Variants in RPS6KA4 observed in about 807,000 individuals in gnomAD.
RPS6KA4 encodes the protein ribosomal protein S6 kinase alpha-4.
A neutral mutation model predicts 89.6 loss-of-function variants in RPS6KA4; 38 were observed. The observed-to-expected ratio is 0.42, with a 90% CI of 0.33 to 0.56. RPS6KA4 has a LOEUF of 0.56. Ranked by LOEUF, RPS6KA4 falls within the 20% of genes least tolerant of loss-of-function variation. The probability of loss-of-function intolerance (pLI) is 0.07; values close to 1 mark genes in which losing one functional copy is unlikely to be tolerated. For synonymous variants in RPS6KA4, 495 were observed against 492.8 expected (o/e 1.00, Z -0.06); for missense variants, 873 against 1,098.8 (o/e 0.79, Z 2.90).
Position 64,370,111 on chromosome 11 carries a change from C to A in RPS6KA4, c.1798-114C>A. On this transcript the variant is annotated intron_variant, in intron 14 of 16. Transcript: ENST00000334205. This position sits in a 1 kb window ranked among gnomAD's most constrained non-coding sequence, Gnocchi z 4.1. ...GGGGGTTAGAAGTCAGGGTTCACCA[C>A]GCGTGGGTCTCAGGAGTGCCCCTAG... 1 of 1,273,326 alleles carries A rather than the reference C, an allele frequency of 7.9e-7. No homozygotes were observed. The highest frequency in any genetic ancestry group is 1.1e-6 in the Non-Finnish European group (1 of 939,182). The allele number at this position is 1,273,326 out of a possible 1,614,324, so 78.9% of individuals were successfully genotyped here.
intron 16 of RPS6KA4, among the ~76,000 whole-genome samples, chr11:64,371,008 G>A (rs2037055275): frequency 6.6e-6 from 1 of 151,684 alleles, no homozygotes; most frequent in Admixed American, 6.6e-5. Flanking sequence ...GGAGGCTGAG[G>A]CAGGAGAATC....
At chr11:64,360,663 A>G (rs2036721044) in intron 4 of RPS6KA4, 71 bp downstream of exon 4, 5 of 1,360,426 alleles carry the variant, frequency 3.7e-6, no homozygotes, top group African/African-American at 1.4e-5. Context: ...ATCTGCACGC[A>G]GGGCAGCCTC....
chr11:64,361,321 C>A lies in RPS6KA4; in HGVS notation c.570+80C>A. ...CCTCTTCCTGCTCTGGGCCTGCATT[C>A]TGGGGCTGCAGAAGTGAATAGCTCC... is the stretch of plus-strand genomic sequence containing the variant. On this transcript the variant is annotated intron_variant, in intron 5 of 16. Coordinates refer to ENST00000334205, the MANE Select transcript of RPS6KA4 (RefSeq NM_003942.3). The surrounding 1 kb of genome is among the most constrained non-coding windows in gnomAD (Gnocchi z 4.7). 6.8e-7 allele frequency: 1 copy of A among 1,470,572 alleles called. No individual in the cohort carries two copies. Among genetic ancestry groups the A allele is most frequent in the Non-Finnish European group, 9.4e-7 (1 of 1,059,358 alleles). 91.1% of individuals were successfully genotyped at this position (1,470,572 alleles called of 1,614,324 possible). A position where few individuals can be genotyped will look rare whatever the true frequency, so the allele number is the denominator to read the frequency against.
chr11:64,364,734 CTCT>C (rs1428089453), intron 8 of RPS6KA4, among the ~76,000 whole-genome samples: 22 of 106,878 alleles, frequency 2.1e-4, no homozygotes, highest in African/African-American at 6.6e-4. Flanking sequence ...TTCACGCCAA[CTCT>C]TTTTTTTTTT....
rs76191153 is a variant in RPS6KA4, at chr11:64,363,200, T to C, written c.906+1198T>C. Among the ~76,000 whole-genome samples the C allele has an allele frequency of 6.4e-3, 975 of 152,312 alleles. 8 individuals are homozygous for C. Among genetic ancestry groups the C allele is most frequent in the African/African-American group, 0.023 (940 of 41,568 alleles). On this transcript the variant is annotated intron_variant, in intron 8 of 16. Transcript: ENST00000334205. The stretch of plus-strand genomic sequence containing the variant: ...GGTACTTATTGTGGGCCAGGTACTG[T>C]GTTACTCATACTTCGAGTGCCATCT...
chr11:64,364,556 C>T (rs375456620), intron 8 of RPS6KA4, among the ~76,000 whole-genome samples: 2 of 152,040 alleles, frequency 1.3e-5, no homozygotes, highest in Non-Finnish European at 2.9e-5. Context: ...GTGAAAAGGT[C>T]GAGGGAAAGT....
At position 64,361,365 on chromosome 11, in the gene RPS6KA4, A is replaced by G; in HGVS notation, c.571-104A>G. 1.3e-6 allele frequency: 2 copies of G among 1,483,944 alleles called. No individual in the cohort carries two copies. Among genetic ancestry groups the G allele is most frequent in the Admixed American group, 1.7e-5 (1 of 57,388 alleles). 91.9% of individuals were successfully genotyped at this position (1,483,944 alleles called of 1,614,324 possible). A position where few individuals can be genotyped will look rare whatever the true frequency, so the allele number is the denominator to read the frequency against. On this transcript the variant is annotated intron_variant, in intron 5 of 16. Transcript: ENST00000334205. This position sits in a 1 kb window ranked among gnomAD's most constrained non-coding sequence, Gnocchi z 4.7. Reference sequence around the variant, plus strand: ...TAGCTCCAAGAAGTTTCCACAGCTCAGCTCTCCAACCTCACAAGTTGAGCG... The same window carrying G: ...TAGCTCCAAGAAGTTTCCACAGCTCGGCTCTCCAACCTCACAAGTTGAGCG...
intron 9 of RPS6KA4, 144 bp downstream of exon 9, chr11:64,365,609 G>A (rs1483973634): frequency 1.3e-6 from 1 of 790,688 alleles, no homozygotes; most frequent in Admixed American, 3.0e-5. Flanking sequence ...ACTTCAGTGG[G>A]ACCTAGGGTT....
intron 9 of RPS6KA4, 116 bp from the exon 10 acceptor site, chr11:64,368,016 C>G: frequency 2.9e-6 from 3 of 1,050,168 alleles, no homozygotes; most frequent in Non-Finnish European, 4.2e-6. Context: ...AACTGGAACA[C>G]CCCCCACTGC....
Position 64,365,380 on chromosome 11 carries a change from G to A in RPS6KA4, c.986G>A (p.Gly329Asp). 2 of 1,614,076 alleles carry A rather than the reference G, an allele frequency of 1.2e-6. No individual in the cohort carries two copies. Among genetic ancestry groups the A allele is most frequent in the Non-Finnish European group, 1.7e-6 (2 of 1,180,018 alleles). ...RPQIRSELDV[G>D]NFAEEFTRLE... ...CAAATCCGCTCAGAGCTGGATGTGG[G>A]CAACTTTGCGGAGGAATTCACTCGG... Residue 329 changes from glycine (G) to aspartate (D), a missense_variant, in exon 9 of 17, where the codon GGC becomes GAC. Physicochemically the swap from Gly to Asp is moderately conservative, Grantham distance 94. Around this residue, in one of 4 missense-constraint regions of RPS6KA4, gnomAD observed 542 missense variants for 736.4 expected, o/e 0.74. Coordinates refer to ENST00000334205, the MANE Select transcript of RPS6KA4 (RefSeq NM_003942.3).
Position 64,370,692 on chromosome 11 carries a change from C to T in RPS6KA4, c.2087C>T (p.Pro696Leu), listed in dbSNP as rs757185670. 7.6e-6 allele frequency: 12 copies of T among 1,569,908 alleles called. No individual in the cohort carries two copies. The highest frequency in any genetic ancestry group is 1.0e-5 in the Non-Finnish European group (12 of 1,163,414). Residue 696 changes from proline (P) to leucine (L), a missense_variant, in exon 16 of 17, where the codon CCC becomes CTC. Transcript: ENST00000334205. This position sits in a 1 kb window ranked among gnomAD's most constrained non-coding sequence, Gnocchi z 4.1. Reference protein sequence around the residue: ...RTPDVLESSGPAVRSGLNATF... With the variant: ...RTPDVLESSGLAVRSGLNATF... ...CCCGACGTGCTCGAGTCCTCTGGGC[C>T]CGCAGTGCGCTCGGGTCTCAACGCC...
At chr11:64,365,211 A>G (rs940283333) in intron 8 of RPS6KA4, 90 bp from the exon 9 acceptor site, 36 of 1,479,702 alleles carry the variant, frequency 2.4e-5, no homozygotes, top group Non-Finnish European at 3.1e-5. Context: ...CCCTTGCCTC[A>G]TGGAGGAACT....
Position 64,370,045 on chromosome 11 carries a change from G to T in RPS6KA4, c.1797+152G>T. 1 of 1,117,778 alleles carries T rather than the reference G, an allele frequency of 8.9e-7. No individual in the cohort carries two copies. Among genetic ancestry groups the T allele is most frequent in the Non-Finnish European group, 1.2e-6 (1 of 811,148 alleles). The allele number at this position is 1,117,778 out of a possible 1,614,324, so 69.2% of individuals were successfully genotyped here. On this transcript the variant is annotated intron_variant, in intron 14 of 16. Transcript: ENST00000334205. This position sits in a 1 kb window ranked among gnomAD's most constrained non-coding sequence, Gnocchi z 4.1. ...GGATCGGGGTGGTTCAAATACAGAG[G>T]TGGGGTCGCTCTGGTGCTAGAGTCG...
chr11:64,370,671 A>G lies in RPS6KA4; in HGVS notation c.2066A>G (p.Asp689Gly). The G allele has an allele frequency of 6.4e-7, 1 of 1,571,968 alleles. No homozygotes were observed. The change falls in exon 16 of 17, where the codon GAC becomes GGC. Residue 689 changes from aspartate (D) to glycine (G), a missense_variant. By Grantham distance (94) the Asp-to-Gly change is moderately conservative (BLOSUM62 -1). Coordinates refer to ENST00000334205, the MANE Select transcript of RPS6KA4 (RefSeq NM_003942.3). The surrounding 1 kb of genome is among the most constrained non-coding windows in gnomAD (Gnocchi z 4.1). ...ARSSPPLRTPDVLESSGPAVR... is the reference protein window; with the variant it reads ...ARSSPPLRTPGVLESSGPAVR... ...TCCTCGCCCCCGCTCCGGACGCCCGACGTGCTCGAGTCCTCTGGGCCCGCA... is the reference window on the plus strand; with the variant it reads ...TCCTCGCCCCCGCTCCGGACGCCCGGCGTGCTCGAGTCCTCTGGGCCCGCA...
intron 2 of RPS6KA4, chr11:64,359,710 C>A: frequency 1.8e-6 from 1 of 559,640 alleles, no homozygotes; most frequent in Admixed American, 3.3e-5. Context: ...GGGGGACTGG[C>A]GCCCCTCTCA....
Position 64,369,885 on chromosome 11 carries a change from G to C in RPS6KA4, c.1789G>C (p.Val597Leu). The change falls in exon 14 of 17, where the codon GTC (valine) becomes CTC (leucine). Residue 597 changes from valine (V) to leucine (L), a missense_variant. Val to Leu is a conservative substitution (Grantham distance 32). This residue lies in a region of RPS6KA4 where 278 missense variants were observed against 284.8 expected (regional missense o/e 0.98). Transcript: ENST00000334205. ...GTCCTGCGACCTCTGGAGCCTGGGC[G>C]TCATTCTGGTATGGGACGCGGTCCT... ...DESCDLWSLG[V>L]ILYMMLSGQV... The C allele has an allele frequency of 6.5e-7, 1 of 1,543,344 alleles. No individual in the cohort carries two copies. Among genetic ancestry groups the C allele is most frequent in the Non-Finnish European group, 8.7e-7 (1 of 1,142,902 alleles).
intron 8 of RPS6KA4, 70 bp from the exon 9 acceptor site, chr11:64,365,231 G>A (rs1565070556): frequency 6.5e-7 from 1 of 1,546,858 alleles, no homozygotes; most frequent in Non-Finnish European, 8.8e-7. Flanking sequence ...TGCCCAGTGA[G>A]GGTGGGCTGA....
rs374530146 is a variant in RPS6KA4 at position 64,361,615 on chromosome 11, G to C, written c.652-27G>C. ...TGGGGTGTGAGGCAGGGGAGATGCA[G>C]GCCCTCACCCCGGCTCCACCCGGCA... On this transcript the variant is annotated intron_variant, in intron 6 of 16. Coordinates refer to ENST00000334205, the MANE Select transcript of RPS6KA4 (RefSeq NM_003942.3). This position sits in a 1 kb window ranked among gnomAD's most constrained non-coding sequence, Gnocchi z 4.7. 117 of 1,612,892 alleles carry C rather than the reference G, an allele frequency of 7.3e-5. No homozygotes were observed. In the Middle Eastern group the frequency reaches 1.2e-3, roughly 16 times the overall value.
At chr11:64,367,698 C>T (rs993846562) in intron 9 of RPS6KA4, among the ~76,000 whole-genome samples, 2 of 152,250 alleles carry the variant, frequency 1.3e-5, no homozygotes, top group Non-Finnish European at 2.9e-5. Context: ...ACTCTGCCTT[C>T]TTTTTGCATT....
Sources: allele counts gnomAD v4.1 joint callset (sites outside exome capture counted in the v4.1 genomes callset), GRCh38; gene constraint gnomAD v4.1.1; regional missense constraint gnomAD v4.1.1; non-coding constraint Gnocchi (gnomAD v3.1); transcripts MANE v1.5; gene names NCBI Gene and HGNC (gene_info 2026-07-23, HGNC 2026-07-21).